Variants in SEMA6A observed in about 807,000 individuals in gnomAD.
The protein encoded by SEMA6A is semaphorin 6A.
A neutral mutation model predicts 96.8 loss-of-function variants in SEMA6A; 25 were observed. The observed-to-expected ratio is 0.26, with a 90% CI of 0.19 to 0.36. SEMA6A has a LOEUF of 0.36. SEMA6A is among the 10% of genes least tolerant of loss of function. SEMA6A has a pLI of 1.00. For synonymous variants in SEMA6A, 612 were observed against 518.0 expected (o/e 1.18, Z -2.46); for missense variants, 1,363 against 1,323.1 (o/e 1.03, Z -0.47).
At chr5:116,450,776 G>C (rs1754576625) in intron 18 of SEMA6A, among the ~76,000 whole-genome samples, 1 of 152,166 alleles carries the variant, frequency 6.6e-6, no homozygotes, top group East Asian at 1.9e-4. Context: ...CCATGGGGAG[G>C]CAGAGGGCTT....
At chr5:116,476,789 T>G (rs937573582) in intron 15 of SEMA6A, among the ~76,000 whole-genome samples, 3 of 152,224 alleles carry the variant, frequency 2.0e-5, no homozygotes, top group African/African-American at 7.2e-5. Flanking sequence ...CATGCAAAGG[T>G]ACAGAGCTCT....
chr5:116,521,197 CAG>C (rs1561514161), intron 1 of SEMA6A, among the ~76,000 whole-genome samples: 1 of 152,166 alleles, frequency 6.6e-6, no homozygotes, highest in Non-Finnish European at 1.5e-5. Context: ...CTACAAAGCC[CAG>C]AGGTGTGGAT....
intron 1 of SEMA6A, among the ~76,000 whole-genome samples, chr5:116,521,950 T>G (rs1017078340): frequency 6.6e-6 from 1 of 152,214 alleles, no homozygotes; most frequent in Non-Finnish European, 1.5e-5. Flanking sequence ...ATTGTGCACA[T>G]TGAAGGTACT....
At chr5:116,555,601 G>A (rs1432508197) in intron 1 of SEMA6A, among the ~76,000 whole-genome samples, 2 of 152,104 alleles carry the variant, frequency 1.3e-5, no homozygotes, top group Non-Finnish European at 2.9e-5. Flanking sequence ...CTACTTGGGA[G>A]GCTGAGGCAG....
At chr5:116,516,220 A>T (rs1758662218) in intron 1 of SEMA6A, among the ~76,000 whole-genome samples, 1 of 152,168 alleles carries the variant, frequency 6.6e-6, no homozygotes, top group African/African-American at 2.4e-5. Flanking sequence ...CTGCTCCATA[A>T]CCAAGCATGA....
At chr5:116,556,091 A>ACAGG (rs762618073) in intron 1 of SEMA6A, among the ~76,000 whole-genome samples, 388 of 152,302 alleles carry the variant, frequency 2.5e-3, no homozygotes, top group Non-Finnish European at 4.4e-3. Flanking sequence ...CTAACTGGGC[A>ACAGG]CTGGACCCAA....
intron 12 of SEMA6A, 69 bp from the exon 13 acceptor site, chr5:116,478,787 C>A: frequency 6.8e-7 from 1 of 1,467,550 alleles, no homozygotes; most frequent in Non-Finnish European, 9.3e-7. Context: ...TGTTCCACTT[C>A]AAACAGCTGC....
At chr5:116,512,748 T>C (rs1056633874) in intron 1 of SEMA6A, among the ~76,000 whole-genome samples, 2 of 152,008 alleles carry the variant, frequency 1.3e-5, no homozygotes, top group African/African-American at 4.8e-5. Context: ...TGGATGTTTA[T>C]TGCACATTTA....
At chr5:116,478,297 CA>C in intron 13 of SEMA6A, 143 bp from the exon 14 acceptor site, 1 of 892,052 alleles carries the variant, frequency 1.1e-6, no homozygotes, top group East Asian at 2.6e-5. Context: ...CTCTTGCACA[CA>C]CGTAAACACA....
At chr5:116,543,442 TTTC>T (rs1760058364) in intron 1 of SEMA6A, among the ~76,000 whole-genome samples, 1 of 152,268 alleles carries the variant, frequency 6.6e-6, no homozygotes, top group Admixed American at 6.5e-5. Flanking sequence ...AAAATACTTT[TTTC>T]TTCTTAGAAT....
At chr5:116,485,924 T>A (rs899561923) in intron 10 of SEMA6A, among the ~76,000 whole-genome samples, 3 of 152,228 alleles carry the variant, frequency 2.0e-5, no homozygotes, top group African/African-American at 7.2e-5. Context: ...CTAATGCTTA[T>A]CTTCCTTCTG....
At chr5:116,452,060 C>G (rs1754675228) in intron 18 of SEMA6A, among the ~76,000 whole-genome samples, 2 of 152,280 alleles carry the variant, frequency 1.3e-5, no homozygotes, top group South Asian at 4.2e-4. Flanking sequence ...CCTGGAAGCC[C>G]TGGGCAAGTA....
intron 9 of SEMA6A, 105 bp from the exon 10 acceptor site, chr5:116,487,071 T>TAATA (rs143066050): frequency 0.012 from 8,669 of 730,352 alleles, 85 homozygotes; most frequent in Non-Finnish European, 0.014. Flanking sequence ...ACAAGGTGCT[T>TAATA]AATACTGTTT....
chr5:116,462,821 G>A (rs1755496490), intron 18 of SEMA6A, among the ~76,000 whole-genome samples: 1 of 151,950 alleles, frequency 6.6e-6, no homozygotes, highest in Non-Finnish European at 1.5e-5. Context: ...CCTAAACTTT[G>A]GTCATTCAAC....
chr5:116,456,799 C>T (rs1489606388), intron 18 of SEMA6A, among the ~76,000 whole-genome samples: 5 of 152,176 alleles, frequency 3.3e-5, no homozygotes. Context: ...GAGTGGCTTC[C>T]TTTAAAGGCC....
intron 1 of SEMA6A, among the ~76,000 whole-genome samples, chr5:116,551,314 G>GCACACACACA (rs1266065765): frequency 6.8e-5 from 3 of 43,968 alleles, no homozygotes; most frequent in Admixed American, 3.0e-4. Flanking sequence ...GATAGTCTTA[G>GCACACACACA]CATACACACA....
intron 17 of SEMA6A, among the ~76,000 whole-genome samples, chr5:116,470,444 A>C (rs1044372189): frequency 6.6e-6 from 1 of 152,212 alleles, no homozygotes; most frequent in Non-Finnish European, 1.5e-5. Context: ...ATAAAATACA[A>C]ATAAATAGGT....
chr5:116,537,950 GCGGAT>G lies in SEMA6A; in HGVS notation c.-38-32973_-38-32969del, dbSNP rs567677494. ...CCAGCACTTTGGGAGGCCGAGGCGG[GCGGAT>G]CATGAGGTCAGGAGATCAAGACCAT... On this transcript the variant is annotated intron_variant, in intron 1 of 18. Coordinates refer to ENST00000343348, the MANE Select transcript of SEMA6A (RefSeq NM_020796.5). Among the ~76,000 whole-genome samples, 628 of 152,294 alleles carry G rather than the reference GCGGAT, an allele frequency of 4.1e-3. 10 individuals carry two copies. Among genetic ancestry groups the G allele is most frequent in the South Asian group, 0.033 (159 of 4,816 alleles).
chr5:116,537,043 TAAG>T (rs1028174825), intron 1 of SEMA6A, among the ~76,000 whole-genome samples: 3 of 152,060 alleles, frequency 2.0e-5, no homozygotes, highest in African/African-American at 7.2e-5. Context: ...AAGTCCATAA[TAAG>T]AGCAGCCTGG....
Sources: allele counts gnomAD v4.1 joint callset (sites outside exome capture counted in the v4.1 genomes callset), GRCh38; gene constraint gnomAD v4.1.1; transcripts MANE v1.5; gene names NCBI Gene and HGNC (gene_info 2026-07-23, HGNC 2026-07-21).